The following SGMS1 variants were observed in gnomAD, a reference collection of about 807,000 sequenced individuals.
SGMS1 encodes the protein sphingomyelin synthase 1, also known as phosphatidylcholine:ceramide cholinephosphotransferase 1.
In SGMS1, 13 loss-of-function variants were observed where a neutral mutation model predicts 46.2. The observed-to-expected ratio is 0.28, with a 90% CI of 0.18 to 0.45. The LOEUF (loss-of-function observed/expected upper bound fraction) is 0.45. Ranked by LOEUF, SGMS1 falls within the 20% of genes least tolerant of loss-of-function variation. SGMS1 has a pLI of 1.00. For missense variants in SGMS1, 324 were observed against 519.9 expected (o/e 0.62, Z 3.66); for synonymous variants, 203 against 187.8 (o/e 1.08, Z -0.66).
intron 7 of SGMS1, among the ~76,000 whole-genome samples, chr10:50,332,183 C>T (rs1482167217): frequency 6.6e-6 from 1 of 152,172 alleles, no homozygotes; most frequent in Non-Finnish European, 1.5e-5. Context: ...GCCACCCTCC[C>T]TATCATTCTC....
At chr10:50,574,985 A>ATATATAT (rs58462802) in intron 2 of SGMS1, among the ~76,000 whole-genome samples, 2 of 143,088 alleles carry the variant, frequency 1.4e-5, no homozygotes, top group Non-Finnish European at 3.1e-5. Context: ...ATATATATAT[A>ATATATAT]AAACAAAGTA....
intron 7 of SGMS1, among the ~76,000 whole-genome samples, chr10:50,329,210 C>T (rs1006088817): frequency 6.6e-6 from 1 of 152,132 alleles, no homozygotes; most frequent in African/African-American, 2.4e-5. Context: ...ACTTGACTTA[C>T]ATGTAAGTAC....
At position 50,343,497 on chromosome 10, in the gene SGMS1, T is replaced by C; in HGVS notation, c.618A>G (p.Lys206=). 6.3e-7 allele frequency: 1 copy of C among 1,595,556 alleles called. No individual in the cohort carries two copies. The highest frequency in any genetic ancestry group is 2.2e-5 in the East Asian group (1 of 44,614). ...GLWLIQWLLL[K]YKSIISRRFF... is the part of the protein sequence containing the mutation. ...AGAGCTTTTACTTGACTTACTTGTA[T>C]TTTAAGAGCAGCCACTGAATTAACC... is the stretch of plus-strand genomic sequence containing the variant. The change falls in exon 7 of 11, where the codon AAA becomes AAG. Residue 206 remains lysine, a synonymous_variant. Coordinates refer to ENST00000361781, the MANE Select transcript of SGMS1 (RefSeq NM_147156.4).
At chr10:50,313,159 G>A (rs2077015706) in intron 8 of SGMS1, among the ~76,000 whole-genome samples, 1 of 152,172 alleles carries the variant, frequency 6.6e-6, no homozygotes, top group South Asian at 2.1e-4. Flanking sequence ...TGAGCTAAAC[G>A]AAGGACAAAG....
At chr10:50,368,120 T>C (rs1478343354) in intron 6 of SGMS1, among the ~76,000 whole-genome samples, 1 of 152,238 alleles carries the variant, frequency 6.6e-6, no homozygotes, top group Non-Finnish European at 1.5e-5. Context: ...TGTGCTCTCC[T>C]CTATATCCAT....
At chr10:50,537,778 C>T (rs188846291) in intron 2 of SGMS1, among the ~76,000 whole-genome samples, 151 of 152,148 alleles carry the variant, frequency 9.9e-4, no homozygotes, top group Non-Finnish European at 1.9e-3. Flanking sequence ...GGTCATAGAG[C>T]TTGTCTACAT....
intron 6 of SGMS1, among the ~76,000 whole-genome samples, chr10:50,425,502 A>C (rs1004894345): frequency 6.6e-6 from 1 of 152,200 alleles, no homozygotes; most frequent in South Asian, 2.1e-4. Flanking sequence ...GAAACAGAAA[A>C]CCAAATACCA....
chr10:50,372,723 ATTT>A (rs924073986), intron 6 of SGMS1, among the ~76,000 whole-genome samples: 16 of 107,134 alleles, frequency 1.5e-4, no homozygotes, highest in African/African-American at 4.8e-4. Context: ...CACAGCTAAG[ATTT>A]TTACATGGGA....
chr10:50,548,180 T>C (rs1588873487), intron 2 of SGMS1, among the ~76,000 whole-genome samples: 2 of 152,132 alleles, frequency 1.3e-5, no homozygotes, highest in South Asian at 4.1e-4. Flanking sequence ...AGACTACCAT[T>C]GATATTCTTC....
At chr10:50,423,670 A>G (rs1051279352) in intron 6 of SGMS1, among the ~76,000 whole-genome samples, 1 of 152,202 alleles carries the variant, frequency 6.6e-6, no homozygotes, top group African/African-American at 2.4e-5. Context: ...GAACTCTTAT[A>G]TAACACTTGG....
At chr10:50,488,343 C>A (rs955885417) in intron 3 of SGMS1, among the ~76,000 whole-genome samples, 1 of 152,030 alleles carries the variant, frequency 6.6e-6, no homozygotes, top group African/African-American at 2.4e-5. Context: ...ACAAGAGCCT[C>A]CAGAACCCAA....
rs529883306 is a variant in SGMS1, at chr10:50,305,895, T to C, written c.*1247A>G. ...ATTTTGTTCTCCACATTGGCAAGTATAGAATAGAATACTTCCCCAAACATA... is the reference window on the plus strand; with the variant it reads ...ATTTTGTTCTCCACATTGGCAAGTACAGAATAGAATACTTCCCCAAACATA... On this transcript the variant is annotated 3_prime_UTR_variant, in exon 11 of 11. Transcript: ENST00000361781. The C allele has an allele frequency of 1.3e-5, 2 of 152,824 alleles. No homozygotes were observed. Among genetic ancestry groups the C allele is most frequent in the South Asian group, 4.1e-4 (2 of 4,826 alleles). 9.5% of individuals were successfully genotyped at this position (152,824 alleles called of 1,614,324 possible). A position where few individuals can be genotyped will look rare whatever the true frequency, so the allele number is the denominator to read the frequency against.
At chr10:50,395,449 C>A (rs928356062) in intron 6 of SGMS1, among the ~76,000 whole-genome samples, 10 of 152,166 alleles carry the variant, frequency 6.6e-5, no homozygotes, top group African/African-American at 1.9e-4. Context: ...TATTAGCCAA[C>A]CTAAGCTTGG....
chr10:50,323,262 G>A (rs1211806318), intron 8 of SGMS1, among the ~76,000 whole-genome samples: 3 of 152,090 alleles, frequency 2.0e-5, no homozygotes, highest in African/African-American at 4.8e-5. Context: ...CACATTTTGA[G>A]TACTGGCATT....
At chr10:50,467,508 AAT>A (rs1445479241) in intron 3 of SGMS1, among the ~76,000 whole-genome samples, 1 of 152,194 alleles carries the variant, frequency 6.6e-6, no homozygotes, top group African/African-American at 2.4e-5. Context: ...CTAAAAATGA[AAT>A]ATGACCCTTT....
intron 6 of SGMS1, among the ~76,000 whole-genome samples, chr10:50,346,938 T>TAGAAAG (rs1157110393): frequency 6.6e-6 from 1 of 152,188 alleles, no homozygotes; most frequent in Non-Finnish European, 1.5e-5. Context: ...AATCTTACTT[T>TAGAAAG]AGAAAGAATC....
At chr10:50,404,129 A>T (rs988963974) in intron 6 of SGMS1, among the ~76,000 whole-genome samples, 1 of 152,110 alleles carries the variant, frequency 6.6e-6, no homozygotes, top group African/African-American at 2.4e-5. Context: ...AGAAAGAGGA[A>T]GAAGAAAGCA....
chr10:50,437,923 C>A lies in SGMS1; in HGVS notation c.-312-4367G>T, dbSNP rs1180980353. Reference sequence around the variant, plus strand: ...GCCCACTGACAAGGAAGGGCCCCAGCAGCATGAGAGTTGCTTCCAAAGGCA... The same window carrying A: ...GCCCACTGACAAGGAAGGGCCCCAGAAGCATGAGAGTTGCTTCCAAAGGCA... On this transcript the variant is annotated intron_variant, in intron 5 of 10. Transcript: ENST00000361781. Among the ~76,000 whole-genome samples the A allele has an allele frequency of 2.6e-5, 4 of 152,220 alleles. No homozygotes were observed. In the South Asian group the frequency reaches 6.2e-4, roughly 24 times the overall value.
At chr10:50,353,423 T>C (rs1205964895) in intron 6 of SGMS1, among the ~76,000 whole-genome samples, 1 of 152,298 alleles carries the variant, frequency 6.6e-6, no homozygotes. Context: ...ATATTAGGTA[T>C]TGATGGGATG....
Sources: allele counts gnomAD v4.1 joint callset (sites outside exome capture counted in the v4.1 genomes callset), GRCh38; gene constraint gnomAD v4.1.1; transcripts MANE v1.5; gene names NCBI Gene and HGNC (gene_info 2026-07-23, HGNC 2026-07-21).